Variants in TNFAIP8L3 observed in about 807,000 individuals in gnomAD.
TNFAIP8L3 encodes the protein tumor necrosis factor alpha-induced protein 8-like protein 3.
Under a neutral mutation model 11.8 loss-of-function variants are expected in TNFAIP8L3, and 7 were observed. The observed-to-expected ratio is 0.59, with a 90% CI of 0.34 to 1.11. TNFAIP8L3 has a LOEUF of 1.11. Ranked by LOEUF, TNFAIP8L3 falls within the 50% of genes most tolerant of loss-of-function variation. The pLI, the probability that TNFAIP8L3 is intolerant of heterozygous loss-of-function variation, is 0.03. For missense variants in TNFAIP8L3, 219 were observed against 258.6 expected (o/e 0.85, Z 1.05); for synonymous variants, 98 against 103.8 (o/e 0.94, Z 0.34).
intron 1 of TNFAIP8L3, among the ~76,000 whole-genome samples, chr15:51,066,214 G>A (rs185279710): frequency 6.6e-6 from 1 of 151,396 alleles, no homozygotes; most frequent in East Asian, 1.9e-4. Context: ...CCAGGCTGGA[G>A]GGCAGTGGCA....
At chr15:51,082,165 T>C (rs1354298359) in intron 1 of TNFAIP8L3, among the ~76,000 whole-genome samples, 1 of 152,000 alleles carries the variant, frequency 6.6e-6, no homozygotes, top group South Asian at 2.1e-4. Flanking sequence ...GATTTTGCCA[T>C]TGGGTGAACA....
At chr15:51,083,703 T>C (rs990475051) in intron 1 of TNFAIP8L3, among the ~76,000 whole-genome samples, 8 of 152,206 alleles carry the variant, frequency 5.3e-5, no homozygotes, top group South Asian at 4.1e-4. Flanking sequence ...CCACAAAGGC[T>C]AGGCCAGGTG....
intron 1 of TNFAIP8L3, among the ~76,000 whole-genome samples, chr15:51,080,003 C>G (rs1404721343): frequency 6.6e-6 from 1 of 152,104 alleles, no homozygotes; most frequent in African/African-American, 2.4e-5. Flanking sequence ...TTAGCTGTTT[C>G]AATGAATAAT....
At chr15:51,105,249 C>A in exon 1 of TNFAIP8L3, 1 of 1,515,534 alleles carries the variant, frequency 6.6e-7, no homozygotes, top group Non-Finnish European at 9.0e-7. Flanking sequence ...CTGGTCGTTT[C>A]CCATTACTTG....
upstream of TNFAIP8L3, among the ~76,000 whole-genome samples, chr15:51,099,730 C>T (rs1307206526): frequency 5.9e-5 from 9 of 152,284 alleles, no homozygotes; most frequent in East Asian, 1.7e-3. Flanking sequence ...CTGCCCAGTG[C>T]CTTCCCATAT....
chr15:51,092,652 A>G (rs1369336966), intron 1 of TNFAIP8L3, among the ~76,000 whole-genome samples: 1 of 152,234 alleles, frequency 6.6e-6, no homozygotes, highest in Non-Finnish European at 1.5e-5. Flanking sequence ...CCTGTTCTTC[A>G]TGGGGCCCAT....
At chr15:51,102,249 C>T (rs1433050084) in intron 1 of TNFAIP8L3, among the ~76,000 whole-genome samples, 1 of 152,152 alleles carries the variant, frequency 6.6e-6, no homozygotes, top group African/African-American at 2.4e-5. Flanking sequence ...CTGATGCTGA[C>T]TCTCCTCCTG....
At chr15:51,063,740 G>A (rs2065253773) in intron 1 of TNFAIP8L3, among the ~76,000 whole-genome samples, 1 of 152,188 alleles carries the variant, frequency 6.6e-6, no homozygotes, top group Non-Finnish European at 1.5e-5. Context: ...GATCCTGCAA[G>A]GAGGCTGGAT....
At chr15:51,095,963 G>A (rs1331668258), upstream of TNFAIP8L3, among the ~76,000 whole-genome samples, 1 of 152,208 alleles carries the variant, frequency 6.6e-6, no homozygotes, top group Admixed American at 6.5e-5. Flanking sequence ...ACCCAGTGAA[G>A]AATTTAGGTT....
chr15:51,083,555 G>A (rs951916744), intron 1 of TNFAIP8L3, among the ~76,000 whole-genome samples: 4 of 152,222 alleles, frequency 2.6e-5, no homozygotes, highest in African/African-American at 4.8e-5. Flanking sequence ...CAGCAGCGAC[G>A]CTGAGTTTCA....
chr15:51,080,614 G>A (rs775317791), intron 1 of TNFAIP8L3, among the ~76,000 whole-genome samples: 3 of 152,150 alleles, frequency 2.0e-5, no homozygotes, highest in Non-Finnish European at 2.9e-5. Context: ...TGGAGCACTT[G>A]GTCTAGCACA....
chr15:51,085,553 TAGA>T (rs1453956991), intron 1 of TNFAIP8L3, among the ~76,000 whole-genome samples: 1 of 150,926 alleles, frequency 6.6e-6, no homozygotes, highest in East Asian at 1.9e-4. Context: ...AAGAACACAG[TAGA>T]AGGTGTCAGA....
At chr15:51,075,119 T>G (rs1038502967) in intron 1 of TNFAIP8L3, among the ~76,000 whole-genome samples, 3 of 152,242 alleles carry the variant, frequency 2.0e-5, no homozygotes, top group Non-Finnish European at 2.9e-5. Context: ...TTCTTGTTCT[T>G]TGAGGCTCAG....
chr15:51,098,208 A>G (rs960824259), upstream of TNFAIP8L3, among the ~76,000 whole-genome samples: 4 of 152,234 alleles, frequency 2.6e-5, no homozygotes, highest in Admixed American at 1.3e-4. Flanking sequence ...AGCCAGTGCT[A>G]TGACTCATCT....
At chr15:51,065,645 G>A (rs561405201) in intron 1 of TNFAIP8L3, among the ~76,000 whole-genome samples, 2 of 152,308 alleles carry the variant, frequency 1.3e-5, no homozygotes, top group African/African-American at 2.4e-5. Flanking sequence ...CATCACTCTA[G>A]GATGTGGGAG....
At chr15:51,101,902 CG>C (rs1476164676) in intron 1 of TNFAIP8L3, among the ~76,000 whole-genome samples, 3 of 140,582 alleles carry the variant, frequency 2.1e-5, no homozygotes, top group Non-Finnish European at 3.0e-5. Flanking sequence ...GCTGAGATTG[CG>C]CCACTGCACT....
At chr15:51,099,141 GTTAT>G (rs2065532901), upstream of TNFAIP8L3, among the ~76,000 whole-genome samples, 1 of 152,208 alleles carries the variant, frequency 6.6e-6, no homozygotes, top group African/African-American at 2.4e-5. Flanking sequence ...CAGCAGGTGG[GTTAT>G]TTGAGTTCAT....
At position 51,094,510 on chromosome 15, in the gene TNFAIP8L3, C is replaced by G. The variant is rs2140982959; in HGVS notation, c.52+34G>C. On this transcript the variant is annotated intron_variant, in intron 1 of 1. Transcript: ENST00000637513. The surrounding 1 kb of genome is among the most constrained non-coding windows in gnomAD (Gnocchi z 4.4). ...AGCCTCCCGTCCTCCCCAGCCCCAG[C>G]CCACCCGCCTGGGCCGTCGCGGCCC... 1.4e-6 allele frequency: 2 copies of G among 1,464,684 alleles called. No individual in the cohort carries two copies. Among genetic ancestry groups the G allele is most frequent in the Non-Finnish European group, 1.8e-6 (2 of 1,111,608 alleles). 90.7% of individuals were successfully genotyped at this position (1,464,684 alleles called of 1,614,324 possible). A position where few individuals can be genotyped will look rare whatever the true frequency, so the allele number is the denominator to read the frequency against.
At chr15:51,076,892 TA>T (rs1567291276) in intron 1 of TNFAIP8L3, among the ~76,000 whole-genome samples, 1 of 152,192 alleles carries the variant, frequency 6.6e-6, no homozygotes, top group African/African-American at 2.4e-5. Context: ...TTAAGTATGA[TA>T]AATTGAATTT....
Sources: allele counts gnomAD v4.1 joint callset (sites outside exome capture counted in the v4.1 genomes callset), GRCh38; gene constraint gnomAD v4.1.1; non-coding constraint Gnocchi (gnomAD v3.1); transcripts MANE v1.5; gene names NCBI Gene and HGNC (gene_info 2026-07-23, HGNC 2026-07-21).